FTSJ1: variants seen among roughly 807,000 people sequenced by gnomAD.
The protein encoded by FTSJ1 is FtsJ RNA 2'-O-methyltransferase 1.
A neutral mutation model predicts 28.5 loss-of-function variants in FTSJ1; 3 were observed. The ratio of observed to expected loss-of-function variants is 0.11; its 90% confidence interval spans 0.05 to 0.27. The LOEUF (loss-of-function observed/expected upper bound fraction) is 0.27, where lower values mean the gene tolerates loss of function less well. FTSJ1 is among the 10% of genes least tolerant of loss of function. The pLI is 1.00. For synonymous variants in FTSJ1, 104 were observed against 113.9 expected (o/e 0.91, Z 0.55); for missense variants, 162 against 279.0 (o/e 0.58, Z 2.99).
rs1304670711 is a variant in FTSJ1, at chrX:48,486,080, A to G, written c.*354A>G. On this transcript the variant is annotated 3_prime_UTR_variant, in exon 13 of 13. Coordinates refer to ENST00000348411, the MANE Select transcript of FTSJ1 (RefSeq NM_012280.4). ...TGTTACATCTTTATTTTCAGCAATG[A>G]AACTGAAATTTAGCCTTACTCCCAA... The G allele has an allele frequency of 8.9e-6, 1 of 112,557 alleles. No individual in the cohort carries two copies. The highest frequency in any genetic ancestry group is 9.4e-5 in the Admixed American group (1 of 10,594). 9.3% of individuals were successfully genotyped at this position (112,557 alleles called of 1,213,427 possible). A position where few individuals can be genotyped will look rare whatever the true frequency, so the allele number is the denominator to read the frequency against.
In FTSJ1 at chrX:48,485,943, C is replaced by T. The variant is rs1249233839; in HGVS notation, c.*217C>T. 8.9e-6 allele frequency: 1 copy of T among 112,396 alleles called. No homozygotes were observed. The highest frequency in any genetic ancestry group is 1.9e-5 in the Non-Finnish European group (1 of 53,307). 9.3% of individuals were successfully genotyped at this position (112,396 alleles called of 1,213,427 possible). On this transcript the variant is annotated 3_prime_UTR_variant, in exon 13 of 13. Coordinates refer to ENST00000348411, the MANE Select transcript of FTSJ1 (RefSeq NM_012280.4). ...GGAATTCTTGAGTGAGGTCTTACCT[C>T]TTCTTTAAACCTCTTCAGGAGTGTC...
chrX:48,481,684 C>A lies in FTSJ1; in HGVS notation c.624C>A (p.Asp208Glu). Reference protein sequence around the residue: ...GYDPPEGFIPDLSKPLLDHSY... With the variant: ...GYDPPEGFIPELSKPLLDHSY... The stretch of plus-strand genomic sequence containing the variant: ...ACCCTCCCGAGGGCTTCATCCCGGA[C>A]CTGAGCAAACCCCTGCTGGACCATT... The change falls in exon 9 of 13, where the codon GAC (aspartate) becomes GAA (glutamate). Residue 208 changes from aspartate to glutamate, a missense_variant. Transcript: ENST00000348411. 8.4e-7 allele frequency: 1 copy of A among 1,189,403 alleles called. No homozygotes were observed. Among genetic ancestry groups the A allele is most frequent in the East Asian group, 3.0e-5 (1 of 33,778 alleles).
At chrX:48,478,334 C>G in intron 2 of FTSJ1, 115 bp from the exon 3 acceptor site, 16 of 863,225 alleles carry the variant, frequency 1.9e-5, no homozygotes, top group Non-Finnish European at 2.7e-5. Flanking sequence ...AGTTGGGCAC[C>G]TGGGCAATGG....
At chrX:48,483,365 C>T (rs2061581613) in intron 12 of FTSJ1, 1 of 250,841 alleles carries the variant, frequency 4.0e-6, no homozygotes, top group African/African-American at 2.8e-5. Context: ...TTTACATACA[C>T]ATATATACTA....
At chrX:48,483,870 C>A (rs1256527339) in intron 12 of FTSJ1, among the ~76,000 whole-genome samples, 1 of 109,338 alleles carries the variant, frequency 9.1e-6, no homozygotes, top group Non-Finnish European at 1.9e-5. Flanking sequence ...GAAGGCACTG[C>A]CGGAGGGAAG....
chrX:48,478,822 G>A lies in FTSJ1; in HGVS notation c.282+115G>A, dbSNP rs1556967523. ...ATAGAAACAGAGAGAGAAAGAGAGT[G>A]AGAGAGTAACCATGGAGAAACAGTC... On this transcript the variant is annotated intron_variant, in intron 4 of 12. Transcript: ENST00000348411. The A allele has an allele frequency of 1.0e-5, 6 of 579,176 alleles. No individual in the cohort carries two copies. In the African/African-American group the frequency reaches 1.3e-4, roughly 13 times the overall value. 47.7% of individuals were successfully genotyped at this position (579,176 alleles called of 1,213,427 possible).
chrX:48,480,899 G>A lies in FTSJ1; in HGVS notation c.362-252G>A, dbSNP rs73209723. On this transcript the variant is annotated intron_variant, in intron 5 of 12. Coordinates refer to ENST00000348411, the MANE Select transcript of FTSJ1 (RefSeq NM_012280.4). ...GATGTAGAATCTGATTTGTGAATCT[G>A]GAGTTCAGAGGAACAGTCTGGGCTG... Among the ~76,000 whole-genome samples the A allele has an allele frequency of 0.056, 6,238 of 110,744 alleles. 206 individuals carry two copies. Among genetic ancestry groups the A allele is most frequent in the Non-Finnish European group, 0.092 (4,841 of 52,786 alleles).
chrX:48,477,796 C>G (rs1183970379), intron 1 of FTSJ1, among the ~76,000 whole-genome samples, 165 bp from the exon 2 acceptor site: 1 of 110,276 alleles, frequency 9.1e-6, no homozygotes, highest in African/African-American at 3.3e-5. Context: ...CGAGGAGGGT[C>G]TGTGTGATAA....
chrX:48,480,099 G>C (rs781993275), intron 5 of FTSJ1, among the ~76,000 whole-genome samples: 1 of 110,369 alleles, frequency 9.1e-6, no homozygotes, highest in Non-Finnish European at 1.9e-5. Context: ...AGCTGAGATC[G>C]CACCATTGCA....
At chrX:48,479,156 C>CTG (rs782780681) in intron 5 of FTSJ1, 40 bp downstream of exon 5, 4 of 887,167 alleles carry the variant, frequency 4.5e-6, no homozygotes, top group Admixed American at 2.2e-5. Flanking sequence ...GCGGGGCCCC[C>CTG]TGTGTGTGTC....
intron 5 of FTSJ1, among the ~76,000 whole-genome samples, chrX:48,479,428 A>G (rs782626234): frequency 1.3e-4 from 15 of 112,827 alleles, no homozygotes; most frequent in Non-Finnish European, 2.8e-4. Flanking sequence ...CAGCCATTCA[A>G]CACACATTTA....
intron 2 of FTSJ1, 91 bp downstream of exon 2, chrX:48,478,259 G>C: frequency 4.2e-6 from 4 of 962,544 alleles, no homozygotes; most frequent in Non-Finnish European, 5.8e-6. Context: ...TGTGGTAGGT[G>C]GGCTGACTCA....
intron 5 of FTSJ1, 108 bp from the exon 6 acceptor site, chrX:48,481,043 C>T: frequency 4.2e-6 from 3 of 710,279 alleles, no homozygotes; most frequent in Non-Finnish European, 4.4e-6. Flanking sequence ...CATCTGGAAC[C>T]TTAGCAGTAA....
chrX:48,485,466 T>G (rs782476347), intron 12 of FTSJ1, among the ~76,000 whole-genome samples: 1 of 99,629 alleles, frequency 1.0e-5, no homozygotes, highest in South Asian at 5.0e-4. Flanking sequence ...ATATAGGTTT[T>G]ATGCATTTTC....
In FTSJ1 at chrX:48,481,146, C is replaced by G; in HGVS notation, c.362-5C>G. The G allele has an allele frequency of 8.3e-7, 1 of 1,208,096 alleles. No homozygotes were observed. Among genetic ancestry groups the G allele is most frequent in the Non-Finnish European group, 1.1e-6 (1 of 892,513 alleles). On this transcript the variant is annotated splice_region_variant and splice_polypyrimidine_tract_variant and intron_variant, in intron 5 of 12. Coordinates refer to ENST00000348411, the MANE Select transcript of FTSJ1 (RefSeq NM_012280.4). ...ACCCCCCTAACGCTGTTCCTCTTGC[C>G]ACAGTAACCGGTCTCCATGATGTTG... is the stretch of plus-strand genomic sequence containing the variant.
chrX:48,484,707 A>G (rs1556969634), intron 12 of FTSJ1, among the ~76,000 whole-genome samples: 2 of 112,070 alleles, frequency 1.8e-5, no homozygotes. Flanking sequence ...CACCTTAAGA[A>G]AAAATTGAAA....
intron 3 of FTSJ1, 34 bp from the exon 4 acceptor site, chrX:48,478,583 G>A (rs201553647): frequency 1.8e-4 from 214 of 1,194,975 alleles, no homozygotes; most frequent in Admixed American, 5.3e-4. Flanking sequence ...GCCCGGGAGC[G>A]AAACTAGGCT....
rs2061530719 is a variant in FTSJ1, at chrX:48,476,223, G to A, written c.-261G>A. On this transcript the variant is annotated 5_prime_UTR_variant, in exon 1 of 13. Coordinates refer to ENST00000348411, the MANE Select transcript of FTSJ1 (RefSeq NM_012280.4). ...CGTTCACATCAGGTCCCGGCCCGCC[G>A]GAACCTGGGCGATCCACGATGCCGA... is the stretch of plus-strand genomic sequence containing the variant. The A allele has an allele frequency of 6.7e-6, 2 of 297,428 alleles. No individual in the cohort carries two copies. Among genetic ancestry groups the A allele is most frequent in the Non-Finnish European group, 1.2e-5 (2 of 170,281 alleles). The allele number at this position is 297,428 out of a possible 1,213,427, so 24.5% of individuals were successfully genotyped here. A position where few individuals can be genotyped will look rare whatever the true frequency, so the allele number is the denominator to read the frequency against.
intron 12 of FTSJ1, among the ~76,000 whole-genome samples, chrX:48,485,047 A>C (rs1373242504): frequency 9.0e-6 from 1 of 111,515 alleles, no homozygotes; most frequent in African/African-American, 3.3e-5. Context: ...TAATCCCAGC[A>C]CTTTGGGAGG....
Sources: gnomAD v4.1 joint callset for allele counts (sites outside exome capture counted in the v4.1 genomes callset) on GRCh38, gnomAD v4.1.1 for gene constraint, MANE v1.5 for transcripts, NCBI Gene and HGNC (gene_info 2026-07-23, HGNC 2026-07-21) for gene names.